The following MTCL2 variants were observed in gnomAD, a reference collection of about 807,000 sequenced individuals.
MTCL2 encodes the protein microtubule crosslinking factor 2.
the MTCL2 span, chr20:36,808,711 C>T: frequency 6.2e-7 from 1 of 1,604,322 alleles, no homozygotes; most frequent in Non-Finnish European, 8.5e-7. Context: ...CAAACTCCCG[C>T]CTCAGGAGCG....
chr20:36,809,876 C>T, the MTCL2 span: 1 of 1,401,650 alleles, frequency 7.1e-7, no homozygotes, highest in Non-Finnish European at 9.7e-7. Flanking sequence ...ACCCAGCCTC[C>T]CCTGACTTTC....
chr20:36,837,495 T>C, the MTCL2 span, among the ~76,000 whole-genome samples: 1 of 151,872 alleles, frequency 6.6e-6, no homozygotes, highest in African/African-American at 2.4e-5. Flanking sequence ...ATCAAGAAAA[T>C]GGAAATAATG....
At chr20:36,836,742 C>T in the MTCL2 span, among the ~76,000 whole-genome samples, 3 of 152,152 alleles carry the variant, frequency 2.0e-5, no homozygotes, top group African/African-American at 7.2e-5. Flanking sequence ...CCACTTCAGC[C>T]TCCCAAAGCG....
chr20:36,828,963 C>T, the MTCL2 span: 1 of 1,382,970 alleles, frequency 7.2e-7, no homozygotes, highest in Non-Finnish European at 9.5e-7. Context: ...CCATTTCCCA[C>T]AAGCGGGGGC....
the MTCL2 span, chr20:36,805,718 G>A: frequency 2.4e-5 from 17 of 723,228 alleles, no homozygotes; most frequent in Non-Finnish European, 3.9e-5. Flanking sequence ...CTCTGTTACT[G>A]CCCTGGGATG....
the MTCL2 span, among the ~76,000 whole-genome samples, chr20:36,837,062 C>T: frequency 2.0e-5 from 3 of 152,250 alleles, no homozygotes; most frequent in Non-Finnish European, 2.9e-5. Flanking sequence ...GGCTGACTCG[C>T]ATCCTGCCGC....
chr20:36,863,318 C>G, the MTCL2 span: 1 of 1,180,946 alleles, frequency 8.5e-7, no homozygotes, highest in Non-Finnish European at 1.0e-6. This position sits in a 1 kb window ranked among gnomAD's most constrained non-coding sequence, Gnocchi z 6.2. Flanking sequence ...AGCCCCGGAC[C>G]GGGGGCTCGG....
chr20:36,862,645 C>A, the MTCL2 span: 2 of 1,490,738 alleles, frequency 1.3e-6, no homozygotes, highest in Non-Finnish European at 1.8e-6. Flanking sequence ...CCTTTCTACC[C>A]GGGCGCCCCC....
chr20:36,789,830 TA>T, the MTCL2 span, among the ~76,000 whole-genome samples: 1 of 152,020 alleles, frequency 6.6e-6, no homozygotes, highest in South Asian at 2.1e-4. Context: ...CTTTATTATT[TA>T]TTTATTTTTG....
the MTCL2 span, among the ~76,000 whole-genome samples, chr20:36,851,608 G>T: frequency 6.6e-6 from 1 of 152,188 alleles, no homozygotes; most frequent in Non-Finnish European, 1.5e-5. Flanking sequence ...AGTCTCCACT[G>T]AAATGCCACC....
the MTCL2 span, chr20:36,809,970 G>A: frequency 1.3e-6 from 2 of 1,596,504 alleles, no homozygotes; most frequent in South Asian, 2.3e-5. Context: ...GAAAGCGCTG[G>A]GCACCACGCA....
At chr20:36,851,477 G>C in the MTCL2 span, among the ~76,000 whole-genome samples, 8 of 152,258 alleles carry the variant, frequency 5.3e-5, no homozygotes, top group East Asian at 1.5e-3. Flanking sequence ...GCAGCCACTT[G>C]GGTCGTAGGC....
At chr20:36,834,174 A>G in the MTCL2 span, among the ~76,000 whole-genome samples, 2 of 151,816 alleles carry the variant, frequency 1.3e-5, no homozygotes, top group Middle Eastern at 3.4e-3. Context: ...AAAAAAAAAA[A>G]AAAAAGAAAA....
the MTCL2 span, among the ~76,000 whole-genome samples, chr20:36,846,988 C>A: frequency 6.6e-6 from 1 of 152,288 alleles, no homozygotes; most frequent in East Asian, 1.9e-4. Context: ...CCAGCCTGGG[C>A]GACAGAGACA....
chr20:36,815,763 T>C, the MTCL2 span: 49 of 1,590,050 alleles, frequency 3.1e-5, no homozygotes, highest in Non-Finnish European at 4.2e-5. This position sits in a 1 kb window ranked among gnomAD's most constrained non-coding sequence, Gnocchi z 5.3. Context: ...AGAACAACTG[T>C]CCTCCGACAG....
the MTCL2 span, chr20:36,804,951 A>T: frequency 6.3e-7 from 1 of 1,588,748 alleles, no homozygotes; most frequent in Non-Finnish European, 8.6e-7. Flanking sequence ...TGGGGTAGGG[A>T]GGGGAACCTG....
chr20:36,853,987 GC>G, the MTCL2 span, among the ~76,000 whole-genome samples: 1 of 152,168 alleles, frequency 6.6e-6, no homozygotes, highest in Non-Finnish European at 1.5e-5. Context: ...CCTCTGGGTT[GC>G]AGCGAAATCT....
the MTCL2 span, among the ~76,000 whole-genome samples, chr20:36,859,411 G>A: frequency 6.6e-6 from 1 of 152,148 alleles, no homozygotes; most frequent in East Asian, 1.9e-4. Flanking sequence ...AGACTTCCTT[G>A]GCTAGAAGGG....
the MTCL2 span, chr20:36,862,794 G>A: frequency 2.5e-5 from 36 of 1,421,966 alleles, no homozygotes; most frequent in Admixed American, 2.4e-4. Context: ...GCCCACCGAC[G>A]ACGCGGCCAC....
Sources: allele counts gnomAD v4.1 joint callset (sites outside exome capture counted in the v4.1 genomes callset), GRCh38; gene constraint gnomAD v4.1.1; non-coding constraint Gnocchi (gnomAD v3.1); transcripts MANE v1.5; gene names NCBI Gene and HGNC (gene_info 2026-07-23, HGNC 2026-07-21).